The following SOX5 variants were observed in gnomAD, a reference collection of about 807,000 sequenced individuals.
SOX5 encodes the protein transcription factor SOX-5.
SOX5 carries 9 observed loss-of-function variants against 92.0 expected under a neutral mutation model. That is an observed-to-expected ratio of 0.10 (90% CI 0.06 to 0.17). The LOEUF is 0.17. Among genes scored for constraint, SOX5 ranks in the 10% least tolerant of loss-of-function variants. SOX5 has a pLI of 1.00. For synonymous variants in SOX5, 344 were observed against 336.3 expected, an observed-to-expected ratio of 1.02 and a Z score of -0.25; for missense variants, 642 against 944.5, an observed-to-expected ratio of 0.68 and a Z score of 4.20.
chr12:24,150,286 T>C (rs538880581), intron 4 of SOX5, among the ~76,000 whole-genome samples: 6 of 152,284 alleles, frequency 3.9e-5, no homozygotes, highest in South Asian at 2.1e-4. Flanking sequence ...AAATAATGAC[T>C]GGCTGTCAGA....
chr12:23,852,179 A>T (rs2096640560), intron 2 of SOX5, among the ~76,000 whole-genome samples: 1 of 152,172 alleles, frequency 6.6e-6, no homozygotes, highest in Admixed American at 6.5e-5. Flanking sequence ...GGCATCTGCA[A>T]CCTTTTTTCT....
At chr12:24,030,359 T>C (rs1359816446) in intron 4 of SOX5, among the ~76,000 whole-genome samples, 1 of 151,782 alleles carries the variant, frequency 6.6e-6, no homozygotes, top group East Asian at 1.9e-4. Context: ...CGTAGACCAA[T>C]GGGGCATCAT....
chr12:23,605,818 T>C (rs558377311), intron 8 of SOX5, among the ~76,000 whole-genome samples: 1 of 152,070 alleles, frequency 6.6e-6, no homozygotes, highest in Admixed American at 6.5e-5. Flanking sequence ...AAAAATACAT[T>C]AAAGTTATCG....
chr12:24,270,249 C>A (rs1595000973), intron 3 of SOX5, among the ~76,000 whole-genome samples: 1 of 151,920 alleles, frequency 6.6e-6, no homozygotes, highest in African/African-American at 2.4e-5. Flanking sequence ...TTAGTAGAGA[C>A]AGGGTTTCAC....
At chr12:24,436,588 A>G (rs1443625841) in intron 1 of SOX5, among the ~76,000 whole-genome samples, 1 of 152,214 alleles carries the variant, frequency 6.6e-6, no homozygotes, top group Non-Finnish European at 1.5e-5. Context: ...TCTCCATAAC[A>G]TAAAAGTGCA....
At chr12:24,534,466 T>G (rs1261866934) in intron 1 of SOX5, among the ~76,000 whole-genome samples, 1 of 152,176 alleles carries the variant, frequency 6.6e-6, no homozygotes, top group Non-Finnish European at 1.5e-5. Flanking sequence ...ATTCTGGTTT[T>G]TACACAGCTT....
At chr12:24,316,802 A>AT (rs1396461156) in intron 2 of SOX5, among the ~76,000 whole-genome samples, 1 of 152,060 alleles carries the variant, frequency 6.6e-6, no homozygotes, top group Admixed American at 6.6e-5. Context: ...ATTTTATTTT[A>AT]TTTTTTCTTA....
chr12:24,356,660 C>T (rs150370295), intron 2 of SOX5, among the ~76,000 whole-genome samples: 238 of 152,232 alleles, frequency 1.6e-3, no homozygotes, highest in African/African-American at 5.3e-3. Flanking sequence ...TCAGTCTCAG[C>T]GCACCTCAGT....
intron 4 of SOX5, among the ~76,000 whole-genome samples, chr12:24,095,681 A>T (rs2137871248): frequency 6.6e-6 from 1 of 152,222 alleles, no homozygotes; most frequent in African/African-American, 2.4e-5. Context: ...AATCCCCAGA[A>T]TCCCCGCGTG....
At chr12:23,703,293 T>C (rs1179652474) in intron 6 of SOX5, among the ~76,000 whole-genome samples, 2 of 152,036 alleles carry the variant, frequency 1.3e-5, no homozygotes, top group African/African-American at 4.8e-5. Flanking sequence ...CATCTGACTA[T>C]GTGGAAGATA....
chr12:24,552,362 T>C, intron 1 of SOX5, among the ~76,000 whole-genome samples: 1 of 152,220 alleles, frequency 6.6e-6, no homozygotes, highest in East Asian at 1.9e-4. Context: ...TCACTGGTTC[T>C]CAAACTTTTA....
chr12:23,859,198 A>G (rs1595113826), intron 2 of SOX5, among the ~76,000 whole-genome samples: 1 of 152,220 alleles, frequency 6.6e-6, no homozygotes, highest in Non-Finnish European at 1.5e-5. Context: ...CGGGCAGAAT[A>G]CAGCCATATT....
At chr12:23,549,319 T>A (rs1187747102) in intron 11 of SOX5, among the ~76,000 whole-genome samples, 2 of 151,934 alleles carry the variant, frequency 1.3e-5, no homozygotes, top group Admixed American at 1.3e-4. Flanking sequence ...CAAGTGACAA[T>A]TTTTTACCGA....
intron 3 of SOX5, among the ~76,000 whole-genome samples, chr12:23,766,850 G>A (rs747352407): frequency 2.4e-4 from 36 of 151,988 alleles, no homozygotes; most frequent in Non-Finnish European, 4.4e-4. Context: ...TTATTATATC[G>A]GGGAAAATGA....
At chr12:24,526,287 TAGC>T (rs1950704283) in intron 1 of SOX5, among the ~76,000 whole-genome samples, 1 of 152,088 alleles carries the variant, frequency 6.6e-6, no homozygotes, top group South Asian at 2.1e-4. Flanking sequence ...AATAACAAGT[TAGC>T]AGGTTGATGC....
intron 1 of SOX5, among the ~76,000 whole-genome samples, chr12:24,384,993 C>G (rs868705610): frequency 1.3e-5 from 2 of 151,904 alleles, no homozygotes; most frequent in African/African-American, 4.8e-5. Context: ...AAGAAGAAAG[C>G]TGAATCCAGT....
In SOX5 at chr12:23,666,916, A is replaced by C. The variant is rs544096046; in HGVS notation, c.811-1352T>G. ...TCTTGTTTTCCCAGTCGCATTACAC[A>C]TTCCTAGCGTTCTTACGATTCTTAC... is the stretch of plus-strand genomic sequence containing the variant. On this transcript the variant is annotated intron_variant, in intron 6 of 14. Coordinates refer to ENST00000451604, the MANE Select transcript of SOX5 (RefSeq NM_006940.6). Among the ~76,000 whole-genome samples, 506 of 152,254 alleles carry C rather than the reference A, an allele frequency of 3.3e-3. 3 individuals carry two copies. The highest frequency in any genetic ancestry group is 0.011 in the African/African-American group (458 of 41,538).
chr12:23,837,279 T>TTATATTTATATAATATATAATA (rs1568204698), intron 3 of SOX5, among the ~76,000 whole-genome samples: 1 of 74,594 alleles, frequency 1.3e-5, no homozygotes, highest in Non-Finnish European at 2.4e-5. Flanking sequence ...TAATATGTAT[T>TTATATTTATATAATATATAATA]TATATTTATA....
chr12:23,993,755 G>T (rs567776288), intron 4 of SOX5, among the ~76,000 whole-genome samples: 16 of 152,276 alleles, frequency 1.1e-4, no homozygotes, highest in Admixed American at 7.2e-4. Flanking sequence ...TGGCTGGAGT[G>T]TCTCACACCT....
Sources: gnomAD v4.1 joint callset for allele counts (sites outside exome capture counted in the v4.1 genomes callset) on GRCh38, gnomAD v4.1.1 for gene constraint, MANE v1.5 for transcripts, NCBI Gene and HGNC (gene_info 2026-07-23, HGNC 2026-07-21) for gene names.